Variants in ARHGAP26 observed in about 807,000 individuals in gnomAD.
ARHGAP26 encodes Rho GTPase activating protein 26.
In ARHGAP26, 38 loss-of-function variants were observed where a neutral mutation model predicts 104.8. The ratio of observed to expected loss-of-function variants is 0.36; its 90% CI spans 0.28 to 0.48. The LOEUF is 0.48. ARHGAP26 is among the 20% of genes least tolerant of loss of function. The pLI, the probability that ARHGAP26 is intolerant of heterozygous loss-of-function variation, is 0.99. For synonymous variants in ARHGAP26, 341 were observed against 340.0 expected, an observed-to-expected ratio of 1.00 and a Z score of -0.03; for missense variants, 704 against 947.9, an observed-to-expected ratio of 0.74 and a Z score of 3.38.
chr5:143,087,940 C>T (rs1006295404), intron 17 of ARHGAP26, among the ~76,000 whole-genome samples: 10 of 152,248 alleles, frequency 6.6e-5, no homozygotes, highest in South Asian at 6.2e-4. Context: ...TGAGCCACCA[C>T]GCCTGGCCTA....
At chr5:142,940,200 C>G (rs1458457447) in intron 11 of ARHGAP26, among the ~76,000 whole-genome samples, 1 of 152,158 alleles carries the variant, frequency 6.6e-6, no homozygotes, top group African/African-American at 2.4e-5. Context: ...GTTTTCCTTT[C>G]TTTGTTAAAA....
intron 1 of ARHGAP26, among the ~76,000 whole-genome samples, chr5:142,794,532 A>G (rs1760564572): frequency 6.6e-6 from 1 of 152,208 alleles, no homozygotes; most frequent in South Asian, 2.1e-4. Flanking sequence ...CTGTGGTTTA[A>G]TAAAGTAACC....
chr5:142,785,892 C>T (rs1457202222), intron 1 of ARHGAP26, among the ~76,000 whole-genome samples: 1 of 152,110 alleles, frequency 6.6e-6, no homozygotes, highest in Admixed American at 6.5e-5. Flanking sequence ...TCCCCACACA[C>T]CCCCATCATT....
chr5:142,885,881 T>G (rs1757628264), intron 5 of ARHGAP26, among the ~76,000 whole-genome samples: 1 of 152,246 alleles, frequency 6.6e-6, no homozygotes, highest in Admixed American at 6.5e-5. Context: ...TTTTTTATTT[T>G]AAAGCAGTGC....
Position 142,962,921 on chromosome 5 carries a change from T to C in ARHGAP26, c.1107+30796T>C, listed in dbSNP as rs569179244. On this transcript the variant is annotated intron_variant, in intron 11 of 22. Transcript: ENST00000645722. ...CCCAGGTACTAAGCCTAGTACCCAA[T>C]AGTTATTTTTTTCCAATCTTCTCCC... Among the ~76,000 whole-genome samples, 12 of 152,068 alleles carry C rather than the reference T, an allele frequency of 7.9e-5. No individual in the cohort carries two copies. The South Asian group carries it at 2.5e-3, about 32-fold the overall frequency.
chr5:143,020,632 C>CTTTTTTTT (rs11357774), intron 12 of ARHGAP26, among the ~76,000 whole-genome samples: 2 of 61,732 alleles, frequency 3.2e-5, no homozygotes, highest in African/African-American at 1.4e-4. Context: ...TGCTCTAGTG[C>CTTTTTTTT]TTTTTTTTTT....
chr5:143,063,750 A>T (rs1414940061), intron 17 of ARHGAP26, among the ~76,000 whole-genome samples: 2 of 152,150 alleles, frequency 1.3e-5, no homozygotes, highest in African/African-American at 4.8e-5. Flanking sequence ...AGGCTACCTC[A>T]TTCTTCTAGC....
chr5:142,972,037 C>G (rs1156526775), intron 11 of ARHGAP26, among the ~76,000 whole-genome samples: 5 of 152,118 alleles, frequency 3.3e-5, no homozygotes, highest in African/African-American at 9.7e-5. Flanking sequence ...CAAAAATTAG[C>G]TGGGTGTGGT....
At chr5:142,946,292 G>A (rs758302006) in intron 11 of ARHGAP26, among the ~76,000 whole-genome samples, 1 of 152,054 alleles carries the variant, frequency 6.6e-6, no homozygotes, top group Non-Finnish European at 1.5e-5. Flanking sequence ...TGTAGTTGTT[G>A]GTTTAAAGAC....
In ARHGAP26 at chr5:143,224,655, A is replaced by C. The variant is rs1811516752; in HGVS notation, c.*2209A>C. 2 of 230,304 alleles carry C rather than the reference A, an allele frequency of 8.7e-6. No individual in the cohort carries two copies. The highest frequency in any genetic ancestry group is 1.2e-4 in the East Asian group (2 of 16,198). 14.3% of individuals were successfully genotyped at this position (230,304 alleles called of 1,614,324 possible). A position where few individuals can be genotyped will look rare whatever the true frequency, so the allele number is the denominator to read the frequency against. The stretch of plus-strand genomic sequence containing the variant: ...TAGAAATGTGGACAAGCTAGTTTTC[A>C]AATTTTGTGTGCGTCTGTAAGTTCT... On this transcript the variant is annotated 3_prime_UTR_variant, in exon 23 of 23. Transcript: ENST00000645722.
intron 11 of ARHGAP26, among the ~76,000 whole-genome samples, chr5:142,962,704 T>C (rs1057509415): frequency 9.2e-5 from 14 of 152,110 alleles, no homozygotes; most frequent in African/African-American, 3.4e-4. Context: ...GTAAGTAACC[T>C]GAACCCCCAA....
At chr5:143,210,980 A>G (rs116691047) in intron 21 of ARHGAP26, among the ~76,000 whole-genome samples, 2,394 of 152,314 alleles carry the variant, frequency 0.016, 62 homozygotes, top group African/African-American at 0.054. Context: ...CCAAAGAACC[A>G]ATGATGCCTG....
chr5:142,864,198 T>C (rs1753852937), intron 1 of ARHGAP26, among the ~76,000 whole-genome samples: 1 of 152,160 alleles, frequency 6.6e-6, no homozygotes. Flanking sequence ...ACTTCAGGCC[T>C]GTGAACGCTG....
At chr5:143,073,868 C>G (rs775747077) in intron 17 of ARHGAP26, among the ~76,000 whole-genome samples, 2 of 152,162 alleles carry the variant, frequency 1.3e-5, no homozygotes, top group Admixed American at 6.5e-5. Context: ...TCTGAGCTCC[C>G]GTTAACTTCG....
chr5:142,909,760 T>C (rs1470230152), intron 9 of ARHGAP26, among the ~76,000 whole-genome samples: 1 of 152,236 alleles, frequency 6.6e-6, no homozygotes, highest in East Asian at 1.9e-4. Flanking sequence ...CTGCTTTCCT[T>C]GGATTGAGCC....
At chr5:142,790,368 A>AT (rs148114388) in intron 1 of ARHGAP26, among the ~76,000 whole-genome samples, 8,500 of 152,084 alleles carry the variant, frequency 0.056, 370 homozygotes, top group African/African-American at 0.11. Context: ...GCTGGATAGT[A>AT]TTTTTTCCCA....
intron 10 of ARHGAP26, among the ~76,000 whole-genome samples, chr5:142,927,074 G>A (rs560817987): frequency 6.6e-6 from 1 of 152,234 alleles, no homozygotes; most frequent in East Asian, 1.9e-4. Context: ...GTCTGCCGTG[G>A]TTATACATCT....
intron 20 of ARHGAP26, among the ~76,000 whole-genome samples, chr5:143,175,406 A>G (rs1803332484): frequency 6.6e-6 from 1 of 152,224 alleles, no homozygotes; most frequent in African/African-American, 2.4e-5. Flanking sequence ...TGTCACAGAG[A>G]AAGGCTATCT....
In ARHGAP26 at chr5:143,146,948, C is replaced by A. The variant is rs1431071596; in HGVS notation, c.1838-283C>A. ...CAAAAGAAGATGCAATTTATGGTGC[C>A]ATAGTAGGGCCACTCTTAGAAAAAA... On this transcript the variant is annotated intron_variant, in intron 19 of 22. Transcript: ENST00000645722. Among the ~76,000 whole-genome samples, 4 of 152,150 alleles carry A rather than the reference C, an allele frequency of 2.6e-5. No individual in the cohort carries two copies. In the South Asian group the frequency reaches 8.3e-4, roughly 32 times the overall value.
Sources: gnomAD v4.1 joint callset for allele counts (sites outside exome capture counted in the v4.1 genomes callset) on GRCh38, gnomAD v4.1.1 for gene constraint, MANE v1.5 for transcripts, NCBI Gene and HGNC (gene_info 2026-07-23, HGNC 2026-07-21) for gene names.